IKZF5: variants seen among roughly 807,000 people sequenced by gnomAD.
The protein encoded by IKZF5 is zinc finger protein Pegasus.
A neutral mutation model predicts 30.7 loss-of-function variants in IKZF5; 4 were observed. The observed-to-expected ratio is 0.13, with a 90% CI of 0.06 to 0.30. The LOEUF (loss-of-function observed/expected upper bound fraction) is 0.30. Ranked by LOEUF, IKZF5 falls within the 10% of genes least tolerant of loss-of-function variation. The pLI, the probability that IKZF5 is intolerant of heterozygous loss-of-function variation, is 1.00. For synonymous variants in IKZF5, 148 were observed against 179.6 expected (o/e 0.82, Z 1.41); for missense variants, 348 against 525.5 (o/e 0.66, Z 3.30).
At chr10:123,000,086 A>G (rs966577738) in intron 2 of IKZF5, among the ~76,000 whole-genome samples, 1 of 152,240 alleles carries the variant, frequency 6.6e-6, no homozygotes, top group African/African-American at 2.4e-5. Flanking sequence ...AGTCTTGTAC[A>G]TATATAGAAA....
intron 2 of IKZF5, among the ~76,000 whole-genome samples, 172 bp downstream of exon 2, chr10:123,006,854 T>C (rs541656990): frequency 6.6e-6 from 1 of 152,300 alleles, no homozygotes; most frequent in Non-Finnish European, 1.5e-5. Context: ...TGGAGTAACA[T>C]GGGCCTTCCA....
intron 2 of IKZF5, among the ~76,000 whole-genome samples, chr10:123,002,652 G>A (rs1849632468): frequency 6.6e-6 from 1 of 151,628 alleles, no homozygotes; most frequent in Non-Finnish European, 1.5e-5. Context: ...GTGAAACCCC[G>A]TCTCTACTAA....
chr10:122,997,141 G>A (rs1470442021), intron 3 of IKZF5: 2 of 152,192 alleles, frequency 1.3e-5, no homozygotes, highest in Admixed American at 1.3e-4. Flanking sequence ...GAGACCTGAT[G>A]CTCATAATCA....
At chr10:122,995,107 T>TCA (rs761641545) in intron 4 of IKZF5, among the ~76,000 whole-genome samples, 2 of 152,078 alleles carry the variant, frequency 1.3e-5, no homozygotes, top group South Asian at 2.1e-4. Flanking sequence ...ACATTCATAT[T>TCA]CACACACACA....
chr10:122,998,708 C>T (rs1056841559), intron 2 of IKZF5, 37 bp from the exon 3 acceptor site: 3 of 1,175,464 alleles, frequency 2.6e-6, no homozygotes, highest in African/African-American at 3.1e-5. Context: ...AGATCTAGTA[C>T]ATAGCAAACA....
intron 2 of IKZF5, among the ~76,000 whole-genome samples, chr10:122,999,885 T>C (rs1431648570): frequency 6.6e-6 from 1 of 152,218 alleles, no homozygotes; most frequent in Non-Finnish European, 1.5e-5. Context: ...AAAAAGGTCT[T>C]TTCTTCCAGG....
At chr10:123,000,619 T>G (rs1247439210) in intron 2 of IKZF5, among the ~76,000 whole-genome samples, 2 of 152,242 alleles carry the variant, frequency 1.3e-5, no homozygotes, top group Non-Finnish European at 2.9e-5. Context: ...TATATTCAGT[T>G]TTAGATAATG....
intron 2 of IKZF5, among the ~76,000 whole-genome samples, chr10:123,002,229 T>C (rs1849611872): frequency 6.6e-6 from 1 of 152,050 alleles, no homozygotes; most frequent in Admixed American, 6.5e-5. Flanking sequence ...CTTTTAAAAA[T>C]TATTAGTGGC....
intron 2 of IKZF5, among the ~76,000 whole-genome samples, chr10:123,002,851 A>G (rs916326536): frequency 6.6e-6 from 1 of 151,312 alleles, no homozygotes; most frequent in Non-Finnish European, 1.5e-5. Flanking sequence ...AGAAAAGCCT[A>G]TTTTTTAGAA....
At chr10:123,003,429 G>A (rs1849669593) in intron 2 of IKZF5, among the ~76,000 whole-genome samples, 1 of 152,072 alleles carries the variant, frequency 6.6e-6, no homozygotes, top group Non-Finnish European at 1.5e-5. Flanking sequence ...CTATCTACAG[G>A]GGTCCTGGAA....
intron 2 of IKZF5, among the ~76,000 whole-genome samples, chr10:123,006,359 T>C (rs183201818): frequency 1.3e-5 from 2 of 152,302 alleles, no homozygotes; most frequent in African/African-American, 2.4e-5. Context: ...TGTTGATCAA[T>C]GCAAGCATAT....
At chr10:123,002,183 T>G (rs1221462360) in intron 2 of IKZF5, among the ~76,000 whole-genome samples, 1 of 152,212 alleles carries the variant, frequency 6.6e-6, no homozygotes, top group Admixed American at 6.5e-5. Flanking sequence ...AATCGTTCCT[T>G]TCCTCCCTTT....
chr10:122,998,270 C>T (rs1224784400), intron 3 of IKZF5: 3 of 389,658 alleles, frequency 7.7e-6, no homozygotes, highest in Non-Finnish European at 1.4e-5. Flanking sequence ...GTATTTGGAG[C>T]CCCTAACCTT....
In IKZF5 at chr10:123,006,415, C is replaced by T. The variant is rs962599054; in HGVS notation, c.-47+611G>A. Among the ~76,000 whole-genome samples the T allele has an allele frequency of 2.0e-5, 3 of 152,132 alleles. No individual in the cohort carries two copies. The East Asian group carries it at 5.8e-4, about 29-fold the overall frequency. ...TTACATGTGTGTATATATGTGCACC[C>T]CCCCCAGCCTCTTAACCAGTAGCTA... On this transcript the variant is annotated intron_variant, in intron 2 of 4. Coordinates refer to ENST00000368886, the MANE Select transcript of IKZF5 (RefSeq NM_001372123.1).
chr10:122,994,368 A>G lies in IKZF5; in HGVS notation c.672T>C (p.Thr224=), dbSNP rs371993645. ...DFTHEIPNIQ[T]DSYESMAKTT... ...TTTTTGCCATACTTTCATAGGAGTC[A>G]GTCTGGATATTTGGGATTTCGTGGG... The change falls in exon 5 of 5, where the codon ACT becomes ACC. Residue 224 remains threonine (T), a synonymous_variant. Transcript: ENST00000368886. This position sits in a 1 kb window ranked among gnomAD's most constrained non-coding sequence, Gnocchi z 5.6. 21 of 1,614,064 alleles carry G rather than the reference A, an allele frequency of 1.3e-5. No individual in the cohort carries two copies. The highest frequency in any genetic ancestry group is 1.6e-5 in the Non-Finnish European group (19 of 1,179,992).
intron 2 of IKZF5, among the ~76,000 whole-genome samples, chr10:123,005,392 A>T (rs1849743167): frequency 6.6e-6 from 1 of 152,348 alleles, no homozygotes; most frequent in Middle Eastern, 3.4e-3. Context: ...TATCTTTCCT[A>T]TACTGGACAT....
Position 122,993,553 on chromosome 10 carries a change from GGAAAA to G in IKZF5, c.*222_*226del, listed in dbSNP as rs1849241236. The G allele has an allele frequency of 2.9e-6, 1 of 346,096 alleles. No homozygotes were observed. Among genetic ancestry groups the G allele is most frequent in the Admixed American group, 4.3e-5 (1 of 23,138 alleles). The allele number at this position is 346,096 out of a possible 1,614,324, so 21.4% of individuals were successfully genotyped here. ...CCAATTCTCCAATGTCGAAAGGAAA[GGAAAA>G]AAGAGACACCAATGTGTCTAACTGT... On this transcript the variant is annotated 3_prime_UTR_variant, in exon 5 of 5. Transcript: ENST00000368886.
chr10:122,994,774 G>C lies in IKZF5; in HGVS notation c.317-51C>G. On this transcript the variant is annotated intron_variant, in intron 4 of 4. Coordinates refer to ENST00000368886, the MANE Select transcript of IKZF5 (RefSeq NM_001372123.1). This position sits in a 1 kb window ranked among gnomAD's most constrained non-coding sequence, Gnocchi z 5.6. The stretch of plus-strand genomic sequence containing the variant: ...AAACTACAAGAGTAGTTCATTTATG[G>C]AAAGTTTTGCTTGTCCATTCATTGG... The C allele has an allele frequency of 6.9e-7, 1 of 1,454,794 alleles. No homozygotes were observed. Among genetic ancestry groups the C allele is most frequent in the East Asian group, 2.3e-5 (1 of 43,592 alleles). The allele number at this position is 1,454,794 out of a possible 1,614,324, so 90.1% of individuals were successfully genotyped here.
At chr10:122,996,536 A>AG in intron 3 of IKZF5, among the ~76,000 whole-genome samples, 1 of 151,940 alleles carries the variant, frequency 6.6e-6, no homozygotes, top group East Asian at 1.9e-4. Flanking sequence ...CTTAAAAAAA[A>AG]AAAAAAAAAT....
Sources: gnomAD v4.1 joint callset for allele counts (sites outside exome capture counted in the v4.1 genomes callset) on GRCh38, gnomAD v4.1.1 for gene constraint, Gnocchi (gnomAD v3.1) non-coding constraint, MANE v1.5 for transcripts, NCBI Gene and HGNC (gene_info 2026-07-23, HGNC 2026-07-21) for gene names.